KCNN2: variants seen among roughly 807,000 people sequenced by gnomAD.
KCNN2 encodes the protein small conductance calcium-activated potassium channel protein 2.
Under a neutral mutation model 55.5 loss-of-function variants are expected in KCNN2, and 24 were observed. The ratio of observed to expected loss-of-function variants is 0.43; its 90% CI spans 0.31 to 0.61. The LOEUF is 0.61. KCNN2 is among the 20% of genes least tolerant of loss of function. The pLI is 0.08. For synonymous variants in KCNN2, 431 were observed against 336.1 expected, an observed-to-expected ratio of 1.28 and a Z score of -3.09; for missense variants, 754 against 853.6, an observed-to-expected ratio of 0.88 and a Z score of 1.45.
chr5:114,172,712 T>C (rs1753063520), intron 1 of KCNN2, among the ~76,000 whole-genome samples: 1 of 151,298 alleles, frequency 6.6e-6, no homozygotes, highest in African/African-American at 2.4e-5. Context: ...CACCTTTTCA[T>C]ATGCCTGTTT....
intron 1 of KCNN2, among the ~76,000 whole-genome samples, chr5:114,058,505 G>C (rs530702776): frequency 3.7e-4 from 56 of 152,224 alleles, no homozygotes; most frequent in Non-Finnish European, 7.6e-4. Context: ...GGGCATGCTT[G>C]GGCTAATGAT....
At chr5:114,225,882 A>C (rs1191224052) in intron 2 of KCNN2, among the ~76,000 whole-genome samples, 1 of 152,234 alleles carries the variant, frequency 6.6e-6, no homozygotes, top group Non-Finnish European at 1.5e-5. Context: ...GTATTCTGTA[A>C]AATGAATATT....
intron 2 of KCNN2, among the ~76,000 whole-genome samples, chr5:114,316,708 C>T (rs1304919662): frequency 2.6e-5 from 4 of 152,142 alleles, no homozygotes; most frequent in South Asian, 2.1e-4. Context: ...TATTACAAAA[C>T]CATATCTCTA....
chr5:114,192,114 A>G (rs1217957746), intron 1 of KCNN2, among the ~76,000 whole-genome samples: 1 of 152,196 alleles, frequency 6.6e-6, no homozygotes, highest in Non-Finnish European at 1.5e-5. Context: ...CATTGTTCTA[A>G]TGGACATTGC....
At chr5:114,360,516 C>A (rs1012202000), upstream of KCNN2, among the ~76,000 whole-genome samples, 1 of 152,164 alleles carries the variant, frequency 6.6e-6, no homozygotes, top group Non-Finnish European at 1.5e-5. Context: ...AAATATTCAA[C>A]GGGCCAATTT....
intron 2 of KCNN2, among the ~76,000 whole-genome samples, chr5:114,242,318 C>A (rs1241622302): frequency 6.6e-6 from 1 of 151,866 alleles, no homozygotes; most frequent in Non-Finnish European, 1.5e-5. Flanking sequence ...ATAGCATAAA[C>A]AAAATAAAAG....
At chr5:114,365,379 G>A (rs1057277190) in intron 2 of KCNN2, among the ~76,000 whole-genome samples, 2 of 152,086 alleles carry the variant, frequency 1.3e-5, no homozygotes, top group African/African-American at 4.8e-5. Context: ...GTGATGGTTG[G>A]GCTTTTGAGA....
At chr5:114,078,322 G>C (rs1350030146) in intron 1 of KCNN2, among the ~76,000 whole-genome samples, 3 of 152,144 alleles carry the variant, frequency 2.0e-5, no homozygotes, top group Non-Finnish European at 4.4e-5. Context: ...AGAATGAGAG[G>C]CTGTCTCATT....
chr5:114,436,086 G>A lies in KCNN2; in HGVS notation c.1638-26963G>A, dbSNP rs550218779. Among the ~76,000 whole-genome samples the A allele has an allele frequency of 1.5e-4, 23 of 152,286 alleles. 1 individual carries two copies. In the South Asian group the frequency reaches 4.8e-3, roughly 32 times the overall value. On this transcript the variant is annotated intron_variant, in intron 3 of 7. Coordinates refer to ENST00000673685, the MANE Select transcript of KCNN2 (RefSeq NM_021614.4). ...AAAGCTGCATTTCACACCTCTGACT[G>A]TAATGGGTCAGTCAGGGTCACCTCA...
rs895635562 is a variant in KCNN2, at chr5:114,156,304, G to A, written c.-270-65176G>A. ...CTGTAGCCCTGTAGTATAGTTTAAA[G>A]TCAGGTAGCATGATGCCTCTAGCTT... On this transcript the variant is annotated intron_variant, in intron 1 of 10. Transcript: ENST00000512097. 2.6e-5 allele frequency among the ~76,000 whole-genome samples: 4 copies of A among 152,158 alleles called. No homozygotes were observed. The East Asian group carries it at 5.8e-4, about 22-fold the overall frequency.
At position 114,203,027 on chromosome 5, in the gene KCNN2, C is replaced by A. The variant is rs73254111; in HGVS notation, c.-270-18453C>A. ...ATCATCCTTATTTAACAAAGAAATT[C>A]CAATTTTGGCTGTGAAGGAAAGCCA... On this transcript the variant is annotated intron_variant, in intron 1 of 10. Transcript: ENST00000512097. Among the ~76,000 whole-genome samples, 1,001 of 152,222 alleles carry A rather than the reference C, an allele frequency of 6.6e-3. 12 individuals are homozygous for A. Among genetic ancestry groups the A allele is most frequent in the African/African-American group, 0.022 (909 of 41,536 alleles).
intron 2 of KCNN2, among the ~76,000 whole-genome samples, chr5:114,225,491 A>G (rs1214396549): frequency 1.3e-5 from 2 of 152,312 alleles, no homozygotes; most frequent in East Asian, 3.9e-4. Flanking sequence ...ATTACAAGTC[A>G]CCAGTGGATT....
Position 114,404,675 on chromosome 5 carries a change from C to G in KCNN2, c.1456C>G (p.Leu486Val), listed in dbSNP as rs1758879850. Residue 486 changes from leucine to valine, a missense_variant, in exon 3 of 8, where the codon CTT becomes GTT. Physicochemically the swap from Leu to Val is conservative, Grantham distance 32 (BLOSUM62 1). Coordinates refer to ENST00000673685, the MANE Select transcript of KCNN2 (RefSeq NM_021614.4). Reference protein sequence around the residue: ...LRLYLIARVMLLHSKLFTDAS... With the variant: ...LRLYLIARVMVLHSKLFTDAS... ...ACTCTATCTGATTGCCAGAGTCATG[C>G]TTTTACATAGCAAACTTTTCACTGA... The G allele has an allele frequency of 6.2e-7, 1 of 1,613,836 alleles. No individual in the cohort carries two copies. The highest frequency in any genetic ancestry group is 8.5e-7 in the Non-Finnish European group (1 of 1,179,922).
chr5:114,392,007 A>G (rs945783687), intron 2 of KCNN2, among the ~76,000 whole-genome samples: 1 of 152,166 alleles, frequency 6.6e-6, no homozygotes, highest in African/African-American at 2.4e-5. Context: ...TAAAAAAGCA[A>G]AGATATTCTA....
chr5:114,324,312 A>T (rs1037663240), intron 2 of KCNN2, among the ~76,000 whole-genome samples: 13 of 152,216 alleles, frequency 8.5e-5, no homozygotes, highest in African/African-American at 3.1e-4. Flanking sequence ...TATGATTAAA[A>T]TTAAGAACCT....
intron 1 of KCNN2, among the ~76,000 whole-genome samples, chr5:114,166,806 T>A (rs1248273077): frequency 6.6e-6 from 1 of 152,064 alleles, no homozygotes; most frequent in Admixed American, 6.6e-5. Context: ...TTGGAGGTGA[T>A]TAGATCATGA....
chr5:114,484,770 T>G (rs1242868163), intron 5 of KCNN2, among the ~76,000 whole-genome samples: 3 of 152,186 alleles, frequency 2.0e-5, no homozygotes, highest in African/African-American at 7.2e-5. Context: ...TTCCTGTATT[T>G]GACAACCTAT....
At chr5:114,439,235 C>G (rs566556706) in intron 3 of KCNN2, among the ~76,000 whole-genome samples, 7 of 152,294 alleles carry the variant, frequency 4.6e-5, no homozygotes, top group Admixed American at 3.3e-4. Flanking sequence ...TAAGCTGGCT[C>G]TCACGCTTCA....
At position 114,493,392 on chromosome 5, in the gene KCNN2, C is replaced by A; in HGVS notation, c.2019-11C>A. 6.5e-7 allele frequency: 1 copy of A among 1,532,704 alleles called. No homozygotes were observed. The highest frequency in any genetic ancestry group is 9.0e-7 in the Non-Finnish European group (1 of 1,105,596). 94.9% of individuals were successfully genotyped at this position (1,532,704 alleles called of 1,614,324 possible). A position where few individuals can be genotyped will look rare whatever the true frequency, so the allele number is the denominator to read the frequency against. On this transcript the variant is annotated splice_polypyrimidine_tract_variant and intron_variant, in intron 6 of 7. Coordinates refer to ENST00000673685, the MANE Select transcript of KCNN2 (RefSeq NM_021614.4). ...AAGGGAACCTTTCTGATACCAGATT[C>A]TATCTTTTAGATTAAGAAGTGTAAA... is the stretch of plus-strand genomic sequence containing the variant.
Sources: gnomAD v4.1 joint callset for allele counts (sites outside exome capture counted in the v4.1 genomes callset) on GRCh38, gnomAD v4.1.1 for gene constraint, MANE v1.5 for transcripts, NCBI Gene and HGNC (gene_info 2026-07-23, HGNC 2026-07-21) for gene names.